Variants in DLC1 observed in about 807,000 individuals in gnomAD.
DLC1 encodes the protein rho GTPase-activating protein 7.
A neutral mutation model predicts 140.3 loss-of-function variants in DLC1; 54 were observed. The observed-to-expected ratio is 0.38, with a 90% confidence interval of 0.31 to 0.48. DLC1 has a LOEUF of 0.48. Among genes scored for constraint, DLC1 ranks in the 20% least tolerant of loss-of-function variants. The pLI is 0.96. For missense variants in DLC1, 2,536 were observed against 1,907.0 expected (o/e 1.33, Z -6.14); for synonymous variants, 986 against 728.1 (o/e 1.35, Z -5.70).
chr8:13,327,790 A>T (rs1344019333), intron 4 of DLC1, among the ~76,000 whole-genome samples: 1 of 152,224 alleles, frequency 6.6e-6, no homozygotes, highest in Non-Finnish European at 1.5e-5. Flanking sequence ...ATAGTGGGGG[A>T]TGTCAATGTT....
chr8:13,444,611 A>C (rs1310153866), intron 2 of DLC1, among the ~76,000 whole-genome samples: 1 of 152,158 alleles, frequency 6.6e-6, no homozygotes, highest in African/African-American at 2.4e-5. Context: ...TTGAGACCAA[A>C]ATAATATTGA....
chr8:13,336,048 C>T (rs181336105), intron 4 of DLC1, among the ~76,000 whole-genome samples: 83 of 152,102 alleles, frequency 5.5e-4, no homozygotes, highest in African/African-American at 1.8e-3. Flanking sequence ...ATTTGATATT[C>T]AGAATCTTTA....
At chr8:13,354,596 G>A (rs1435348642) in intron 4 of DLC1, among the ~76,000 whole-genome samples, 3 of 151,962 alleles carry the variant, frequency 2.0e-5, no homozygotes, top group African/African-American at 4.8e-5. Flanking sequence ...TTCACTTTTC[G>A]GAATGCCACT....
chr8:13,258,842 C>T (rs994858481), intron 5 of DLC1, among the ~76,000 whole-genome samples: 1 of 152,006 alleles, frequency 6.6e-6, no homozygotes, highest in Non-Finnish European at 1.5e-5. Flanking sequence ...AGTAAGAAAA[C>T]AGAGAGAAAA....
intron 1 of DLC1, among the ~76,000 whole-genome samples, chr8:13,537,842 A>G (rs1422934916): frequency 6.6e-6 from 1 of 151,682 alleles, no homozygotes; most frequent in Non-Finnish European, 1.5e-5. Context: ...TTTACTGGAG[A>G]CAGGGTTTCA....
chr8:13,325,053 A>T (rs1833282565), intron 4 of DLC1, among the ~76,000 whole-genome samples: 1 of 152,256 alleles, frequency 6.6e-6, no homozygotes, highest in African/African-American at 2.4e-5. Context: ...CATCACATAG[A>T]AAACAGATAT....
At chr8:13,328,417 A>G (rs1618996) in intron 4 of DLC1, among the ~76,000 whole-genome samples, 126,315 of 152,046 alleles carry the variant, frequency 0.83, 53,008 homozygotes, top group East Asian at 0.95. Context: ...AGAAGACGTC[A>G]CAGTCGAAGA....
chr8:13,330,685 A>G (rs894348973), intron 4 of DLC1, among the ~76,000 whole-genome samples: 1 of 152,174 alleles, frequency 6.6e-6, no homozygotes, highest in African/African-American at 2.4e-5. Context: ...TAGACAAAAA[A>G]CACACAGTGA....
chr8:13,111,567 T>C (rs1262470752), intron 6 of DLC1, among the ~76,000 whole-genome samples: 1 of 152,172 alleles, frequency 6.6e-6, no homozygotes, highest in Non-Finnish European at 1.5e-5. Context: ...GGAATTCCTT[T>C]CTCTGGACTA....
chr8:13,262,245 TA>T (rs888103005), intron 5 of DLC1, among the ~76,000 whole-genome samples: 3 of 151,746 alleles, frequency 2.0e-5, no homozygotes, highest in East Asian at 1.9e-4. Flanking sequence ...TTAGGAGACT[TA>T]AAAAAAAGAT....
chr8:13,115,063 A>T (rs1820436523), intron 6 of DLC1, among the ~76,000 whole-genome samples: 1 of 152,224 alleles, frequency 6.6e-6, no homozygotes, highest in African/African-American at 2.4e-5. Context: ...AGCAAAACAG[A>T]GAAAGCCAAA....
chr8:13,297,744 C>G (rs1832022705), intron 5 of DLC1, among the ~76,000 whole-genome samples: 1 of 152,104 alleles, frequency 6.6e-6, no homozygotes, highest in African/African-American at 2.4e-5. Flanking sequence ...ATTTTTTCAG[C>G]AAATCTCTTT....
intron 3 of DLC1, among the ~76,000 whole-genome samples, chr8:13,399,088 G>T (rs1365246432): frequency 3.3e-5 from 5 of 152,170 alleles, no homozygotes; most frequent in East Asian, 1.9e-4. Context: ...GTTCTGGCCT[G>T]TGTGTGTCTG....
intron 4 of DLC1, among the ~76,000 whole-genome samples, chr8:13,358,117 T>G (rs1835034002): frequency 6.6e-6 from 1 of 152,200 alleles, no homozygotes; most frequent in Admixed American, 6.5e-5. Flanking sequence ...TCTGTTTTGC[T>G]TTATAACAAA....
rs566693372 is a variant in DLC1 at position 13,411,409 on chromosome 8, C to T, written c.1024-9790G>A. Among the ~76,000 whole-genome samples, 25 of 152,230 alleles carry T rather than the reference C, an allele frequency of 1.6e-4. No individual in the cohort carries two copies. In the Middle Eastern group the frequency reaches 0.01, roughly 62 times the overall value. ...TACCAAGAAGGAAGGGATGAAAATC[C>T]AGACCATAGAGGAGTTTTAGGGCAG... On this transcript the variant is annotated intron_variant, in intron 2 of 17. Coordinates refer to ENST00000276297, the MANE Select transcript of DLC1 (RefSeq NM_182643.3).
chr8:13,201,386 C>T (rs993005752), intron 5 of DLC1, among the ~76,000 whole-genome samples: 1 of 151,784 alleles, frequency 6.6e-6, no homozygotes, highest in Non-Finnish European at 1.5e-5. Context: ...AGTGTAAAAC[C>T]TACATTAAAA....
chr8:13,355,243 A>AG (rs1174448168), intron 4 of DLC1, among the ~76,000 whole-genome samples: 8 of 152,206 alleles, frequency 5.3e-5, no homozygotes, highest in African/African-American at 1.7e-4. Flanking sequence ...CCCAACACCT[A>AG]GGGGGGCTAA....
At chr8:13,444,514 G>C (rs1233200043) in intron 2 of DLC1, among the ~76,000 whole-genome samples, 1 of 152,168 alleles carries the variant, frequency 6.6e-6, no homozygotes, top group Non-Finnish European at 1.5e-5. Flanking sequence ...GAAGTTTTCA[G>C]TGATCGAAGT....
chr8:13,542,393 A>T (rs1803514752), intron 1 of DLC1, among the ~76,000 whole-genome samples: 1 of 152,172 alleles, frequency 6.6e-6, no homozygotes, highest in South Asian at 2.1e-4. Flanking sequence ...ACTGTTCTGT[A>T]CCATTGGTCT....
Sources: allele counts gnomAD v4.1 joint callset (sites outside exome capture counted in the v4.1 genomes callset), GRCh38; gene constraint gnomAD v4.1.1; transcripts MANE v1.5; gene names NCBI Gene and HGNC (gene_info 2026-07-23, HGNC 2026-07-21).